The following FAAH2 variants were observed in gnomAD, a reference collection of about 807,000 sequenced individuals.
FAAH2 encodes fatty-acid amide hydrolase 2.
Under a neutral mutation model 36.9 loss-of-function variants are expected in FAAH2, and 60 were observed. The ratio of observed to expected loss-of-function variants is 1.63; its 90% CI spans 1.32 to 2.02. The LOEUF (loss-of-function observed/expected upper bound fraction) is 2.02. Among genes scored for constraint, FAAH2 ranks in the 30% most tolerant of loss-of-function variants. FAAH2 has a pLI of 0.00. For synonymous variants in FAAH2, 214 were observed against 143.8 expected, an observed-to-expected ratio of 1.49 and a Z score of -3.49; for missense variants, 689 against 397.5, an observed-to-expected ratio of 1.73 and a Z score of -6.23.
intron 10 of FAAH2, among the ~76,000 whole-genome samples, chrX:57,462,290 C>G (rs143883710): frequency 9.0e-6 from 1 of 110,905 alleles, no homozygotes; most frequent in African/African-American, 3.3e-5. Flanking sequence ...AAGAGGGATT[C>G]CTCCCTAACT....
chrX:57,484,484 G>A (rs756277871), intron 10 of FAAH2, among the ~76,000 whole-genome samples: 1 of 111,543 alleles, frequency 9.0e-6, no homozygotes, highest in East Asian at 2.9e-4. Context: ...CTTGTTGTAG[G>A]GCTCATCATG....
the FAAH2 span, among the ~76,000 whole-genome samples, chrX:57,151,707 T>C: frequency 9.0e-6 from 1 of 111,345 alleles, no homozygotes; most frequent in Non-Finnish European, 1.9e-5. Flanking sequence ...TTGGTTTGAA[T>C]TTCCTCCTGT....
chrX:57,151,250 C>T, the FAAH2 span, among the ~76,000 whole-genome samples: 3 of 111,423 alleles, frequency 2.7e-5, no homozygotes, highest in African/African-American at 9.8e-5. Context: ...TGGAGTTTCT[C>T]TTCTCAAGGA....
intron 2 of FAAH2, among the ~76,000 whole-genome samples, chrX:57,293,077 T>C (rs973078647): frequency 9.0e-6 from 1 of 111,541 alleles, no homozygotes; most frequent in African/African-American, 3.3e-5. Flanking sequence ...TGGATTATTT[T>C]CTTTGTAATA....
chrX:57,478,981 G>T (rs1009955532), intron 10 of FAAH2, among the ~76,000 whole-genome samples: 2 of 111,154 alleles, frequency 1.8e-5, no homozygotes, highest in African/African-American at 6.6e-5. Context: ...GCTCTTTTTT[G>T]GTTCCATATG....
chrX:57,224,937 T>C, the FAAH2 span, among the ~76,000 whole-genome samples: 1 of 112,159 alleles, frequency 8.9e-6, no homozygotes, highest in African/African-American at 3.2e-5. Flanking sequence ...GTAAAGGTGT[T>C]CATATTAGCC....
intron 7 of FAAH2, chrX:57,395,110 A>C: frequency 1.8e-6 from 1 of 543,245 alleles, no homozygotes; most frequent in East Asian, 3.5e-5. Context: ...GTCTAGAGAT[A>C]GCTGCACTAC....
intron 3 of FAAH2, among the ~76,000 whole-genome samples, chrX:57,314,350 A>G (rs1029650164): frequency 6.3e-5 from 7 of 111,211 alleles, no homozygotes; most frequent in African/African-American, 2.3e-4. Context: ...AACTAACAAA[A>G]GAAACTCAGG....
chrX:57,265,142 G>T, the FAAH2 span, among the ~76,000 whole-genome samples: 1 of 111,377 alleles, frequency 9.0e-6, no homozygotes, highest in Non-Finnish European at 1.9e-5. Context: ...CCCACTCCAC[G>T]TGGGCCTTCA....
intron 8 of FAAH2, 139 bp downstream of exon 8, chrX:57,432,176 G>A (rs1011214097): frequency 1.5e-5 from 7 of 458,033 alleles, no homozygotes; most frequent in African/African-American, 7.5e-5. Flanking sequence ...TTTAAAGAAA[G>A]CACAGTTTGG....
intron 7 of FAAH2, among the ~76,000 whole-genome samples, chrX:57,415,975 T>G (rs1430954636): frequency 8.9e-6 from 1 of 111,967 alleles, no homozygotes; most frequent in Non-Finnish European, 1.9e-5. Flanking sequence ...TTTATCATTA[T>G]GTAATGCCCT....
chrX:57,244,025 C>T, the FAAH2 span, among the ~76,000 whole-genome samples: 1 of 106,631 alleles, frequency 9.4e-6, no homozygotes, highest in Admixed American at 1.0e-4. Context: ...GAATTGCTAA[C>T]TAGGATAACC....
the FAAH2 span, among the ~76,000 whole-genome samples, chrX:57,273,200 C>T: frequency 1.8e-5 from 2 of 111,817 alleles, no homozygotes; most frequent in African/African-American, 6.5e-5. Flanking sequence ...ATCAATGCAG[C>T]AATGAGAGCT....
chrX:57,395,552 A>G, intron 7 of FAAH2: 3 of 294,809 alleles, frequency 1.0e-5, no homozygotes, highest in Non-Finnish European at 6.0e-6. Flanking sequence ...TGAGGTATGT[A>G]TATTAAATGC....
At chrX:57,266,282 C>T in the FAAH2 span, among the ~76,000 whole-genome samples, 2 of 111,925 alleles carry the variant, frequency 1.8e-5, no homozygotes, top group Admixed American at 1.9e-4. Flanking sequence ...TGTTGTTTGG[C>T]AGCCTTAACT....
At chrX:57,275,965 A>T in the FAAH2 span, among the ~76,000 whole-genome samples, 6 of 111,456 alleles carry the variant, frequency 5.4e-5, no homozygotes, top group African/African-American at 2.0e-4. Context: ...CTCCCACACA[A>T]TAATAATGGG....
chrX:57,210,039 C>T, the FAAH2 span, among the ~76,000 whole-genome samples: 1 of 110,607 alleles, frequency 9.0e-6, no homozygotes. Context: ...CTGCCCCTGC[C>T]AGGGGTGAGG....
chrX:57,388,549 G>A (rs1009341318), intron 7 of FAAH2, among the ~76,000 whole-genome samples: 1 of 111,109 alleles, frequency 9.0e-6, no homozygotes, highest in African/African-American at 3.3e-5. Context: ...TCCATGGGTA[G>A]CCCCTCTTTC....
intron 5 of FAAH2, among the ~76,000 whole-genome samples, chrX:57,372,723 T>A (rs987464907): frequency 9.0e-6 from 1 of 111,241 alleles, no homozygotes; most frequent in Non-Finnish European, 1.9e-5. Flanking sequence ...TTAATTTTTT[T>A]AATTATTTTT....
Sources: gnomAD v4.1 joint callset for allele counts (sites outside exome capture counted in the v4.1 genomes callset) on GRCh38, gnomAD v4.1.1 for gene constraint, MANE v1.5 for transcripts, NCBI Gene and HGNC (gene_info 2026-07-23, HGNC 2026-07-21) for gene names.